Variants in ANO2 observed in about 807,000 individuals in gnomAD.
ANO2 encodes anoctamin 2.
In ANO2, 101 loss-of-function variants were observed where a neutral mutation model predicts 124.2. The ratio of observed to expected loss-of-function variants is 0.81; its 90% CI spans 0.69 to 0.96. The LOEUF (loss-of-function observed/expected upper bound fraction) is 0.96. Among genes scored for constraint, ANO2 ranks in the 40% least tolerant of loss-of-function variants. The probability of loss-of-function intolerance (pLI) is 0.00; values close to 1 mark genes in which losing one functional copy is unlikely to be tolerated. For missense variants in ANO2, 1,293 were observed against 1,274.5 expected (o/e 1.01, Z -0.22); for synonymous variants, 486 against 482.5 (o/e 1.01, Z -0.09).
At chr12:5,704,986 C>G (rs895790489) in intron 14 of ANO2, among the ~76,000 whole-genome samples, 8 of 152,102 alleles carry the variant, frequency 5.3e-5, no homozygotes, top group African/African-American at 1.9e-4. Flanking sequence ...ACCTTAGGGT[C>G]AGAAACATAA....
intron 23 of ANO2, among the ~76,000 whole-genome samples, chr12:5,568,815 C>T (rs917996526): frequency 5.3e-5 from 8 of 152,184 alleles, no homozygotes; most frequent in African/African-American, 1.4e-4. Flanking sequence ...CCAGCACTGT[C>T]GTTCTCTGTC....
chr12:5,832,348 C>T (rs1954178055), intron 5 of ANO2, 104 bp downstream of exon 5: 2 of 1,381,244 alleles, frequency 1.4e-6, no homozygotes, highest in South Asian at 2.7e-5. Flanking sequence ...CTCCCAGGCA[C>T]TGGGGCACCC....
chr12:5,880,262 G>A (rs1282950961), intron 3 of ANO2, among the ~76,000 whole-genome samples: 2 of 152,146 alleles, frequency 1.3e-5, no homozygotes, highest in Non-Finnish European at 1.5e-5. Flanking sequence ...CATAAATCCA[G>A]GCATTTATGT....
intron 14 of ANO2, among the ~76,000 whole-genome samples, chr12:5,729,631 A>G (rs551870649): frequency 6.6e-6 from 1 of 152,132 alleles, no homozygotes; most frequent in South Asian, 2.1e-4. Flanking sequence ...TAGAGTTACC[A>G]TATGACCCAG....
chr12:5,707,345 G>A lies in ANO2; in HGVS notation c.1545+25175C>T, dbSNP rs530679177. 1.7e-4 allele frequency among the ~76,000 whole-genome samples: 26 copies of A among 152,198 alleles called. 1 individual carries two copies. The highest frequency in any genetic ancestry group is 1.8e-4 in the Non-Finnish European group (12 of 68,008). On this transcript the variant is annotated intron_variant, in intron 14 of 24. Coordinates refer to ENST00000682330, the MANE Select transcript of ANO2 (RefSeq NM_001364791.2). ...TTTCCTTTATAAACTACTCAGTTTC[G>A]GGCAGTTCTTTATAGTAGTGTGAAA...
chr12:5,585,540 T>C (rs570424002), intron 20 of ANO2, among the ~76,000 whole-genome samples: 1 of 152,338 alleles, frequency 6.6e-6, no homozygotes, highest in South Asian at 2.1e-4. Context: ...TAGGGAGACT[T>C]GAGTTGGCAA....
rs748184591 is a variant in ANO2 at position 5,761,058 on chromosome 12, C to CT, written c.1056-10089_1056-10088insA. Among the ~76,000 whole-genome samples the CT allele has an allele frequency of 9.1e-5, 11 of 120,926 alleles. No individual in the cohort carries two copies. In the Admixed American group the frequency reaches 9.2e-4, roughly 10 times the overall value. The allele number at this position is 120,926 out of a possible 152,430, so 79.3% of individuals were successfully genotyped here. On this transcript the variant is annotated intron_variant, in intron 10 of 24. Transcript: ENST00000682330. ...CGTCCCAAATTTTGGACCCCCACAG[C>CT]AAAAAAAAAAAAAAAAAAAATTCCG...
At chr12:5,662,286 T>C (rs1733289654) in intron 14 of ANO2, among the ~76,000 whole-genome samples, 1 of 152,238 alleles carries the variant, frequency 6.6e-6, no homozygotes, top group Non-Finnish European at 1.5e-5. Flanking sequence ...AATTCCTCAC[T>C]ACACACAAAG....
intron 4 of ANO2, among the ~76,000 whole-genome samples, chr12:5,833,679 C>T (rs1397254124): frequency 6.6e-6 from 1 of 152,126 alleles, no homozygotes; most frequent in Non-Finnish European, 1.5e-5. Context: ...TCAGTGATGG[C>T]ATTAGATTCT....
intron 3 of ANO2, among the ~76,000 whole-genome samples, chr12:5,867,049 A>C (rs1955445359): frequency 6.6e-6 from 1 of 152,234 alleles, no homozygotes; most frequent in South Asian, 2.1e-4. Flanking sequence ...CATGTGGCAC[A>C]GATCCAGGCT....
intron 4 of ANO2, among the ~76,000 whole-genome samples, chr12:5,845,087 C>T (rs1341778810): frequency 2.6e-5 from 4 of 151,540 alleles, no homozygotes; most frequent in African/African-American, 4.9e-5. Flanking sequence ...GCCTGGGCAA[C>T]ATGGGGGAAA....
intron 3 of ANO2, among the ~76,000 whole-genome samples, chr12:5,891,053 T>C (rs1176825420): frequency 6.6e-6 from 1 of 152,206 alleles, no homozygotes; most frequent in African/African-American, 2.4e-5. Context: ...ACAATCCTGA[T>C]AGACTGTGTA....
chr12:5,673,294 G>C (rs896844865), intron 14 of ANO2, among the ~76,000 whole-genome samples: 6 of 152,212 alleles, frequency 3.9e-5, no homozygotes, highest in African/African-American at 1.4e-4. Flanking sequence ...TGCAGAACCA[G>C]AAGTGGAATC....
At position 5,612,950 on chromosome 12, in the gene ANO2, C is replaced by A. The variant is rs1478810004; in HGVS notation, c.1937G>T (p.Gly646Val). 6.2e-7 allele frequency: 1 copy of A among 1,613,874 alleles called. No homozygotes were observed. Among genetic ancestry groups the A allele is most frequent in the South Asian group, 1.1e-5 (1 of 91,076 alleles). ...TACATAGACGTAGCTTCCAGGCCTG[C>A]CCACAAACCTGAAATCAAACAGTGT... The part of the protein sequence containing the change: ...YVAFFKGRFV[G>V]RPGSYVYVFD... The change falls in exon 18 of 25, where the codon GGC becomes GTC. Residue 646 changes from glycine to valine, a missense_variant. Coordinates refer to ENST00000682330, the MANE Select transcript of ANO2 (RefSeq NM_001364791.2).
At position 5,871,594 on chromosome 12, in the gene ANO2, G is replaced by A. The variant is rs145699792; in HGVS notation, c.535-17453C>T. The stretch of plus-strand genomic sequence containing the variant: ...ACCGACCCTATTGTGATCTGTGCAC[G>A]CAAGGGATCTAGGTTGCATGCTCCT... On this transcript the variant is annotated intron_variant, in intron 3 of 24. Transcript: ENST00000682330. Among the ~76,000 whole-genome samples the A allele has an allele frequency of 7.2e-5, 11 of 152,214 alleles. 1 individual carries two copies. Among genetic ancestry groups the A allele is most frequent in the Admixed American group, 2.6e-4 (4 of 15,294 alleles).
chr12:5,786,513 T>C (rs1465819267), intron 10 of ANO2, among the ~76,000 whole-genome samples: 1 of 152,068 alleles, frequency 6.6e-6, no homozygotes, highest in East Asian at 1.9e-4. Flanking sequence ...CCTTACAGAG[T>C]GAGAGGATGA....
intron 19 of ANO2, among the ~76,000 whole-genome samples, chr12:5,610,951 A>T (rs1044071790): frequency 2.9e-5 from 4 of 138,212 alleles, no homozygotes; most frequent in African/African-American, 1.1e-4. Flanking sequence ...ACACAGACAC[A>T]TCCTGGAACA....
At position 5,821,678 on chromosome 12, in the gene ANO2, T is replaced by A. The variant is rs530298983; in HGVS notation, c.892+6091A>T. ...TTTTGAGAGACAGCTCTTGGCCTGT[T>A]ACAGGACTTTGATGGAAACTGAACG... is the stretch of plus-strand genomic sequence containing the variant. On this transcript the variant is annotated intron_variant, in intron 7 of 24. Transcript: ENST00000682330. Among the ~76,000 whole-genome samples, 4 of 152,342 alleles carry A rather than the reference T, an allele frequency of 2.6e-5. No homozygotes were observed. In the South Asian group the frequency reaches 8.3e-4, roughly 32 times the overall value.
intron 14 of ANO2, among the ~76,000 whole-genome samples, chr12:5,716,319 A>T (rs1406842828): frequency 6.6e-6 from 1 of 151,998 alleles, no homozygotes; most frequent in Non-Finnish European, 1.5e-5. Flanking sequence ...CCTTCCTCAC[A>T]CTCAAGCACT....
Sources: gnomAD v4.1 joint callset for allele counts (sites outside exome capture counted in the v4.1 genomes callset) on GRCh38, gnomAD v4.1.1 for gene constraint, MANE v1.5 for transcripts, NCBI Gene and HGNC (gene_info 2026-07-23, HGNC 2026-07-21) for gene names.